CSMD1: variants seen among roughly 807,000 people sequenced by gnomAD.
CSMD1 encodes CUB and Sushi multiple domains 1.
Under a neutral mutation model 417.5 loss-of-function variants are expected in CSMD1, and 213 were observed. The observed-to-expected ratio is 0.51, with a 90% CI of 0.46 to 0.57. CSMD1 has a LOEUF of 0.57. Ranked by LOEUF, CSMD1 falls within the 20% of genes least tolerant of loss-of-function variation. The probability of loss-of-function intolerance (pLI) is 0.00; values close to 1 mark genes in which losing one functional copy is unlikely to be tolerated. For synonymous variants in CSMD1, 2,862 were observed against 1,736.8 expected (o/e 1.65, Z -16.11); for missense variants, 6,923 against 4,529.7 (o/e 1.53, Z -15.17).
intron 50 of CSMD1, among the ~76,000 whole-genome samples, chr8:3,034,017 C>G (rs1445400368): frequency 6.6e-6 from 1 of 152,196 alleles, no homozygotes. Context: ...CCAGACGTGG[C>G]TCCTCCAGCT....
chr8:3,969,973 A>G (rs1554502504), intron 5 of CSMD1, among the ~76,000 whole-genome samples: 5 of 152,224 alleles, frequency 3.3e-5, no homozygotes, highest in Non-Finnish European at 7.3e-5. Context: ...CACTCAGGGA[A>G]GAGTTGTCAG....
At position 3,029,457 on chromosome 8, in the gene CSMD1, C is replaced by G; in HGVS notation, c.7717G>C (p.Val2573Leu). The G allele has an allele frequency of 1.9e-6, 3 of 1,608,030 alleles. No individual in the cohort carries two copies. Among genetic ancestry groups the G allele is most frequent in the South Asian group, 1.1e-5 (1 of 89,736 alleles). Residue 2573 changes from valine (V) to leucine (L), a missense_variant, in exon 51 of 70, where the codon GTT becomes CTT. By Grantham distance (32) the Val-to-Leu change is conservative. Coordinates refer to ENST00000635120, the MANE Select transcript of CSMD1 (RefSeq NM_033225.6). ...QLSEHVIWRLVSGSLNEYGAQ... is the reference protein window; with the variant it reads ...QLSEHVIWRLLSGSLNEYGAQ... Reference sequence around the variant, plus strand: ...CCGTACTCATTCAAGGATCCTGAAACCAGCCTCCAGATGACATGTTCTGAG... The same window carrying G: ...CCGTACTCATTCAAGGATCCTGAAAGCAGCCTCCAGATGACATGTTCTGAG...
At chr8:4,027,464 G>C (rs71521902) in intron 4 of CSMD1, among the ~76,000 whole-genome samples, 26,130 of 152,036 alleles carry the variant, frequency 0.17, 2,341 homozygotes, top group African/African-American at 0.23. Flanking sequence ...TCTTGTGACA[G>C]TGGGTGAGTT....
At chr8:4,891,154 T>G (rs1465028702) in intron 1 of CSMD1, among the ~76,000 whole-genome samples, 6 of 152,150 alleles carry the variant, frequency 3.9e-5, no homozygotes, top group Non-Finnish European at 2.9e-5. Context: ...CTCTGTGTTT[T>G]GAGTCAATGA....
At chr8:3,299,503 C>G (rs927293308) in intron 25 of CSMD1, among the ~76,000 whole-genome samples, 1 of 152,130 alleles carries the variant, frequency 6.6e-6, no homozygotes, top group African/African-American at 2.4e-5. Flanking sequence ...TCTGTGATAT[C>G]AGATACAGGC....
At chr8:4,324,237 C>G (rs541185275) in intron 3 of CSMD1, among the ~76,000 whole-genome samples, 1 of 152,234 alleles carries the variant, frequency 6.6e-6, no homozygotes, top group Non-Finnish European at 1.5e-5. Context: ...AGAGATTTCC[C>G]TACACCAAGA....
intron 3 of CSMD1, among the ~76,000 whole-genome samples, chr8:4,150,075 G>C (rs1184019264): frequency 6.6e-6 from 1 of 152,198 alleles, no homozygotes. Context: ...GTTAATGTAA[G>C]TAAAATGAAC....
At chr8:4,850,058 TA>T (rs1161750633) in intron 1 of CSMD1, among the ~76,000 whole-genome samples, 7 of 152,212 alleles carry the variant, frequency 4.6e-5, no homozygotes, top group African/African-American at 1.4e-4. Flanking sequence ...TGGCTTTTTT[TA>T]TTCTTGCCAT....
chr8:2,954,393 C>A, intron 64 of CSMD1, 125 bp from the exon 65 acceptor site: 1 of 566,436 alleles, frequency 1.8e-6, no homozygotes, highest in East Asian at 3.0e-5. Flanking sequence ...ATATGAATAC[C>A]TTATACATAT....
At chr8:2,939,094 A>T (rs1370769157) in intron 69 of CSMD1, among the ~76,000 whole-genome samples, 1 of 152,182 alleles carries the variant, frequency 6.6e-6, no homozygotes, top group African/African-American at 2.4e-5. Flanking sequence ...CCTCCTGGGT[A>T]ACTGGGATCA....
intron 23 of CSMD1, among the ~76,000 whole-genome samples, chr8:3,312,429 T>C (rs1212137002): frequency 2.0e-5 from 3 of 152,208 alleles, no homozygotes; most frequent in Admixed American, 1.3e-4. Context: ...TCTAGGCTTG[T>C]GTGATGTCTT....
chr8:4,186,257 G>C (rs1051952848), intron 3 of CSMD1, among the ~76,000 whole-genome samples: 1 of 152,106 alleles, frequency 6.6e-6, no homozygotes, highest in Non-Finnish European at 1.5e-5. Flanking sequence ...TGCAGCAGAG[G>C]GGAAAGTGTA....
intron 3 of CSMD1, among the ~76,000 whole-genome samples, chr8:4,043,069 G>T (rs1028619572): frequency 2.0e-5 from 3 of 151,884 alleles, no homozygotes; most frequent in African/African-American, 7.3e-5. Flanking sequence ...GAGGCACAGG[G>T]TGCAGTGAGC....
intron 2 of CSMD1, among the ~76,000 whole-genome samples, chr8:4,635,148 G>A (rs2616998): frequency 6.6e-6 from 1 of 151,768 alleles, no homozygotes; most frequent in Non-Finnish European, 1.5e-5. Context: ...ACCTAAGTAG[G>A]CTCTTTCTTA....
intron 3 of CSMD1, among the ~76,000 whole-genome samples, chr8:4,076,015 T>A (rs370288346): frequency 1.2e-4 from 18 of 152,312 alleles, no homozygotes; most frequent in Admixed American, 9.2e-4. Context: ...GGGGATATTT[T>A]AATTCCTATA....
intron 1 of CSMD1, among the ~76,000 whole-genome samples, chr8:4,974,836 T>C (rs1405094245): frequency 1.3e-5 from 2 of 152,176 alleles, no homozygotes; most frequent in Admixed American, 1.3e-4. Context: ...CCAATGATGA[T>C]GTATGTTATT....
chr8:4,900,134 T>C (rs1175600949), intron 1 of CSMD1, among the ~76,000 whole-genome samples: 1 of 152,100 alleles, frequency 6.6e-6, no homozygotes, highest in Non-Finnish European at 1.5e-5. Flanking sequence ...TTGTGTCTTC[T>C]TCACACTCTA....
intron 3 of CSMD1, among the ~76,000 whole-genome samples, chr8:4,106,643 G>C (rs550585587): frequency 6.6e-6 from 1 of 152,180 alleles, no homozygotes; most frequent in Non-Finnish European, 1.5e-5. Flanking sequence ...ATGTGATGTT[G>C]ATAGGTATTC....
At chr8:3,962,361 G>C (rs768761006) in intron 5 of CSMD1, among the ~76,000 whole-genome samples, 38 of 152,262 alleles carry the variant, frequency 2.5e-4, no homozygotes, top group African/African-American at 6.3e-4. Context: ...CAGTGCACTA[G>C]AGCAGAGTCA....
Sources: allele counts gnomAD v4.1 joint callset (sites outside exome capture counted in the v4.1 genomes callset), GRCh38; gene constraint gnomAD v4.1.1; transcripts MANE v1.5; gene names NCBI Gene and HGNC (gene_info 2026-07-23, HGNC 2026-07-21).